KDM4C: variants seen among roughly 807,000 people sequenced by gnomAD.
The protein encoded by KDM4C is lysine-specific demethylase 4C.
A neutral mutation model predicts 129.3 loss-of-function variants in KDM4C; 81 were observed. The ratio of observed to expected loss-of-function variants is 0.63; its 90% CI spans 0.52 to 0.75. The LOEUF (loss-of-function observed/expected upper bound fraction) is 0.75, where lower values mean the gene tolerates loss of function less well. Ranked by LOEUF, KDM4C falls within the 30% of genes least tolerant of loss-of-function variation. The pLI, the probability that KDM4C is intolerant of heterozygous loss-of-function variation, is 0.00. For synonymous variants in KDM4C, 573 were observed against 456.1 expected (o/e 1.26, Z -3.26); for missense variants, 1,457 against 1,304.0 (o/e 1.12, Z -1.81).
At chr9:6,799,902 A>G (rs760356002) in intron 2 of KDM4C, among the ~76,000 whole-genome samples, 6 of 151,978 alleles carry the variant, frequency 3.9e-5, no homozygotes, top group Non-Finnish European at 8.8e-5. Context: ...TCATATTCAT[A>G]TAGTCTGATT....
Position 6,880,018 on chromosome 9 carries a change from T to G in KDM4C, c.636T>G (p.Ala212=), listed in dbSNP as rs756721055. Residue 212 remains alanine, a synonymous_variant, in exon 6 of 22, where the codon GCT becomes GCG. Transcript: ENST00000381309. The part of the protein sequence containing the change: ...LHFGEPKSWY[A]IPPEHGKRLE... Reference sequence around the variant, plus strand: ...CTTATGTTTAAAATTTTAGGTATGCTATACCTCCGGAGCATGGAAAACGAC... The same window carrying G: ...CTTATGTTTAAAATTTTAGGTATGCGATACCTCCGGAGCATGGAAAACGAC... The G allele has an allele frequency of 8.9e-6, 14 of 1,581,170 alleles. No homozygotes were observed. Among genetic ancestry groups the G allele is most frequent in the Non-Finnish European group, 1.1e-5 (13 of 1,159,628 alleles).
chr9:7,026,610 C>G (rs1035580288), intron 15 of KDM4C, among the ~76,000 whole-genome samples: 2 of 151,970 alleles, frequency 1.3e-5, no homozygotes, highest in Non-Finnish European at 2.9e-5. Context: ...TCTTCTTGTA[C>G]TTTGACATTA....
chr9:6,866,028 A>G (rs1397521417), intron 5 of KDM4C, among the ~76,000 whole-genome samples: 1 of 151,748 alleles, frequency 6.6e-6, no homozygotes, highest in Non-Finnish European at 1.5e-5. Context: ...GCTGGGATTC[A>G]CCGTGCCTGG....
intron 8 of KDM4C, among the ~76,000 whole-genome samples, chr9:6,929,730 C>G (rs1462362473): frequency 6.6e-6 from 1 of 151,904 alleles, no homozygotes; most frequent in Non-Finnish European, 1.5e-5. Flanking sequence ...GTATTTGACC[C>G]CAACTTCTTG....
intron 12 of KDM4C, among the ~76,000 whole-genome samples, chr9:6,998,272 C>T (rs1363907091): frequency 6.6e-6 from 1 of 152,058 alleles, no homozygotes; most frequent in Non-Finnish European, 1.5e-5. Flanking sequence ...ATATTTTATT[C>T]AGTAATGGAT....
chr9:7,160,618 A>C (rs7847726), intron 19 of KDM4C, among the ~76,000 whole-genome samples: 7,036 of 152,226 alleles, frequency 0.046, 218 homozygotes, highest in East Asian at 0.11. Flanking sequence ...AGTTTGCTGG[A>C]GGTCCACTCC....
At chr9:6,922,105 A>G (rs867830343) in intron 8 of KDM4C, among the ~76,000 whole-genome samples, 1 of 152,210 alleles carries the variant, frequency 6.6e-6, no homozygotes, top group Admixed American at 6.5e-5. Flanking sequence ...ACGTTCAGCA[A>G]ATATTTGCTG....
At chr9:6,850,301 C>T (rs1176918676) in intron 5 of KDM4C, among the ~76,000 whole-genome samples, 1 of 152,130 alleles carries the variant, frequency 6.6e-6, no homozygotes, top group Non-Finnish European at 1.5e-5. Flanking sequence ...ATATTTTAGG[C>T]TTCAAGAATT....
intron 8 of KDM4C, among the ~76,000 whole-genome samples, chr9:6,919,143 G>A (rs1169443203): frequency 6.6e-6 from 1 of 151,956 alleles, no homozygotes; most frequent in Non-Finnish European, 1.5e-5. Context: ...GAGCCACCAC[G>A]CCCAGCCTAC....
intron 20 of KDM4C, among the ~76,000 whole-genome samples, chr9:7,168,830 C>T (rs1044389684): frequency 6.6e-6 from 1 of 151,940 alleles, no homozygotes; most frequent in African/African-American, 2.4e-5. Context: ...TTTGGGAGGC[C>T]AAGGTGGGAG....
At chr9:6,827,080 C>T (rs1269338460) in intron 4 of KDM4C, among the ~76,000 whole-genome samples, 1 of 152,130 alleles carries the variant, frequency 6.6e-6, no homozygotes, top group Non-Finnish European at 1.5e-5. Context: ...AGAGTGGCAC[C>T]TTGCACAGAC....
chr9:6,987,859 C>A (rs987426755), intron 11 of KDM4C, among the ~76,000 whole-genome samples: 1 of 151,818 alleles, frequency 6.6e-6, no homozygotes, highest in Non-Finnish European at 1.5e-5. Context: ...TACTAATAAG[C>A]AAAATTTACA....
intron 3 of KDM4C, among the ~76,000 whole-genome samples, chr9:6,810,945 A>G (rs1010586132): frequency 2.0e-5 from 3 of 152,156 alleles, no homozygotes; most frequent in Non-Finnish European, 4.4e-5. Flanking sequence ...TAATTGTTGT[A>G]ATGTTAAACA....
intron 1 of KDM4C, among the ~76,000 whole-genome samples, chr9:6,766,882 C>T (rs141325196): frequency 5.9e-5 from 9 of 151,980 alleles, no homozygotes; most frequent in East Asian, 1.9e-4. Context: ...GTTAAAGAAG[C>T]GATAAATTCC....
intron 6 of KDM4C, among the ~76,000 whole-genome samples, chr9:6,886,491 C>A (rs796578383): frequency 6.6e-5 from 9 of 135,860 alleles, no homozygotes; most frequent in African/African-American, 2.1e-4. Context: ...TTTTTTTTTT[C>A]TTTTTTCCTT....
intron 8 of KDM4C, among the ~76,000 whole-genome samples, chr9:6,979,646 G>A (rs1816419409): frequency 6.6e-6 from 1 of 152,128 alleles, no homozygotes; most frequent in Non-Finnish European, 1.5e-5. Flanking sequence ...TAAGAGATTT[G>A]GGGGAGACGA....
intron 11 of KDM4C, among the ~76,000 whole-genome samples, chr9:6,988,959 C>T (rs546280211): frequency 1.8e-4 from 27 of 152,220 alleles, no homozygotes; most frequent in African/African-American, 2.6e-4. Flanking sequence ...TTGATAAATA[C>T]GACTTATTCA....
rs372461651 is a variant in KDM4C at position 6,885,189 on chromosome 9, C to T, written c.680-2771C>T. Among the ~76,000 whole-genome samples, 6 of 152,208 alleles carry T rather than the reference C, an allele frequency of 3.9e-5. No homozygotes were observed. In the East Asian group the frequency reaches 5.8e-4, roughly 15 times the overall value. ...CACCTCTTTGTACTTAACCACTCTC[C>T]CCTTCCCTGTCACCCACTAATCTGG... is the stretch of plus-strand genomic sequence containing the variant. On this transcript the variant is annotated intron_variant, in intron 6 of 21. Transcript: ENST00000381309.
chr9:7,025,772 C>T (rs551557289), intron 15 of KDM4C, among the ~76,000 whole-genome samples: 1 of 152,270 alleles, frequency 6.6e-6, no homozygotes, highest in East Asian at 1.9e-4. Flanking sequence ...TAGTCTTTCT[C>T]CTTAAGATCA....
Sources: gnomAD v4.1 joint callset for allele counts (sites outside exome capture counted in the v4.1 genomes callset) on GRCh38, gnomAD v4.1.1 for gene constraint, MANE v1.5 for transcripts, NCBI Gene and HGNC (gene_info 2026-07-23, HGNC 2026-07-21) for gene names.